Variants in NPAS3 observed in about 807,000 individuals in gnomAD.
NPAS3 encodes the protein neuronal PAS domain-containing protein 3.
Under a neutral mutation model 73.1 loss-of-function variants are expected in NPAS3, and 14 were observed. The observed-to-expected ratio is 0.19, with a 90% CI of 0.13 to 0.30. The LOEUF (loss-of-function observed/expected upper bound fraction) is 0.30, where lower values mean the gene tolerates loss of function less well. Ranked by LOEUF, NPAS3 falls within the 10% of genes least tolerant of loss-of-function variation. The pLI, the probability that NPAS3 is intolerant of heterozygous loss-of-function variation, is 1.00. For synonymous variants in NPAS3, 620 were observed against 541.5 expected (o/e 1.14, Z -2.01); for missense variants, 1,096 against 1,250.0 (o/e 0.88, Z 1.86).
chr14:33,663,697 TATTA>T (rs1201938274), intron 5 of NPAS3, among the ~76,000 whole-genome samples: 2 of 152,134 alleles, frequency 1.3e-5, no homozygotes, highest in African/African-American at 4.8e-5. Context: ...GTTGGTAGGC[TATTA>T]ATTACTGCCT....
chr14:33,157,028 C>T (rs1290030860), intron 2 of NPAS3, among the ~76,000 whole-genome samples: 1 of 152,120 alleles, frequency 6.6e-6, no homozygotes, highest in East Asian at 1.9e-4. Context: ...GAGCAGACTA[C>T]ATCATTTCCA....
At chr14:33,714,510 G>C (rs1040877182) in intron 6 of NPAS3, among the ~76,000 whole-genome samples, 1 of 152,116 alleles carries the variant, frequency 6.6e-6, no homozygotes, top group Non-Finnish European at 1.5e-5. Flanking sequence ...ATCGTAGCTG[G>C]GCACAGGAAG....
intron 4 of NPAS3, among the ~76,000 whole-genome samples, chr14:33,493,324 C>CTTT (rs202231064): frequency 1.4e-5 from 2 of 141,728 alleles, no homozygotes; most frequent in African/African-American, 5.1e-5. Context: ...CTCTCTTAGT[C>CTTT]TTTTTTTTTT....
Position 33,800,646 on chromosome 14 carries a change from C to A in NPAS3, c.2339C>A (p.Ala780Glu). 1.4e-6 allele frequency: 2 copies of A among 1,467,338 alleles called. No homozygotes were observed. The highest frequency in any genetic ancestry group is 1.8e-6 in the Non-Finnish European group (2 of 1,119,590). The allele number at this position is 1,467,338 out of a possible 1,614,324, so 90.9% of individuals were successfully genotyped here. ...GGCGCGGGGGGCGGCGGCCCCAGCG[C>A]GTCCAACTCCTTGCTGTACACTGGG... is the stretch of plus-strand genomic sequence containing the variant. Residue 780 changes from alanine to glutamate, a missense_variant, in exon 12 of 12, where the codon GCG becomes GAG. By Grantham distance (107) the Ala-to-Glu change is moderately radical (BLOSUM62 -1). Around this residue, in one of 5 missense-constraint regions of NPAS3, gnomAD observed 698 missense variants for 676.7 expected, o/e 1.03. Transcript: ENST00000356141. The surrounding 1 kb of genome is among the most constrained non-coding windows in gnomAD (Gnocchi z 6.5).
At chr14:33,248,370 A>G (rs750955784) in intron 3 of NPAS3, among the ~76,000 whole-genome samples, 20 of 152,232 alleles carry the variant, frequency 1.3e-4, no homozygotes, top group Admixed American at 3.9e-4. Flanking sequence ...TGGATGTTCT[A>G]ATCTTTAGCA....
chr14:33,196,032 G>T (rs1223914169), intron 2 of NPAS3, among the ~76,000 whole-genome samples: 3 of 152,262 alleles, frequency 2.0e-5, no homozygotes, highest in East Asian at 3.9e-4. Flanking sequence ...TTGTTTTAAG[G>T]TGAAGAAACA....
chr14:33,698,732 A>C (rs1566439429), intron 6 of NPAS3, among the ~76,000 whole-genome samples: 2 of 152,210 alleles, frequency 1.3e-5, no homozygotes, highest in Admixed American at 1.3e-4. Flanking sequence ...TCCCTATTTA[A>C]AATAATCCTT....
chr14:32,964,715 G>A (rs1293316084), intron 1 of NPAS3, among the ~76,000 whole-genome samples: 4 of 152,052 alleles, frequency 2.6e-5, no homozygotes, highest in Non-Finnish European at 5.9e-5. Context: ...TGTGGCTCAC[G>A]CCTGTAATCC....
At chr14:33,278,590 G>A (rs1594582380) in intron 3 of NPAS3, among the ~76,000 whole-genome samples, 1 of 151,880 alleles carries the variant, frequency 6.6e-6, no homozygotes, top group Non-Finnish European at 1.5e-5. Context: ...ATCATTTTGA[G>A]GATATAAAAA....
chr14:33,519,877 G>C (rs189303423), intron 4 of NPAS3, among the ~76,000 whole-genome samples: 1 of 152,090 alleles, frequency 6.6e-6, no homozygotes, highest in African/African-American at 2.4e-5. Flanking sequence ...GAGCTGCACA[G>C]ATACCTCCTT....
At chr14:33,779,912 C>A (rs113401641) in intron 9 of NPAS3, among the ~76,000 whole-genome samples, 2 of 152,180 alleles carry the variant, frequency 1.3e-5, no homozygotes, top group Non-Finnish European at 2.9e-5. Context: ...AGCCAAGTGG[C>A]CTTTGTATTT....
intron 2 of NPAS3, among the ~76,000 whole-genome samples, chr14:33,121,296 A>T: frequency 6.6e-6 from 1 of 152,212 alleles, no homozygotes; most frequent in Non-Finnish European, 1.5e-5. Flanking sequence ...ACCAGTTCCT[A>T]CGTCTTTGAG....
At chr14:33,153,082 A>T in intron 2 of NPAS3, among the ~76,000 whole-genome samples, 1 of 149,506 alleles carries the variant, frequency 6.7e-6, no homozygotes, top group Non-Finnish European at 1.5e-5. Context: ...TGTTCTCTGA[A>T]TTTTCTTTTT....
At chr14:33,287,886 G>T (rs1457906626) in intron 3 of NPAS3, among the ~76,000 whole-genome samples, 1 of 152,138 alleles carries the variant, frequency 6.6e-6, no homozygotes, top group African/African-American at 2.4e-5. Context: ...GGCATATTAT[G>T]TTCTATTATT....
chr14:33,571,790 G>A (rs892324518), intron 5 of NPAS3, among the ~76,000 whole-genome samples: 3 of 152,210 alleles, frequency 2.0e-5, no homozygotes, highest in African/African-American at 2.4e-5. Flanking sequence ...CTTGTTGGCA[G>A]ATTATCTGAA....
chr14:33,466,206 A>G (rs2139556080), intron 4 of NPAS3, among the ~76,000 whole-genome samples: 1 of 152,264 alleles, frequency 6.6e-6, no homozygotes, highest in African/African-American at 2.4e-5. Flanking sequence ...TGAGGGTGTG[A>G]AACCTGGTAA....
intron 3 of NPAS3, among the ~76,000 whole-genome samples, chr14:33,361,847 GTATT>G (rs1447826804): frequency 6.6e-6 from 1 of 151,832 alleles, no homozygotes; most frequent in Non-Finnish European, 1.5e-5. Flanking sequence ...TTTTTTTCTG[GTATT>G]TATTTGTTAT....
chr14:33,648,586 T>C (rs528025473), intron 5 of NPAS3, among the ~76,000 whole-genome samples: 43 of 152,334 alleles, frequency 2.8e-4, no homozygotes, highest in African/African-American at 9.6e-4. Flanking sequence ...TGCTTGCTAA[T>C]GAACTGCCAT....
chr14:33,078,670 C>T (rs142270927), intron 2 of NPAS3, among the ~76,000 whole-genome samples: 3 of 152,042 alleles, frequency 2.0e-5, no homozygotes, highest in Non-Finnish European at 2.9e-5. Context: ...AATGAAATAA[C>T]CTTAGAGTAA....
Sources: gnomAD v4.1 joint callset for allele counts (sites outside exome capture counted in the v4.1 genomes callset) on GRCh38, gnomAD v4.1.1 for gene constraint, gnomAD v4.1.1 regional missense constraint, Gnocchi (gnomAD v3.1) non-coding constraint, MANE v1.5 for transcripts, NCBI Gene and HGNC (gene_info 2026-07-23, HGNC 2026-07-21) for gene names.